Variants in KLHL7 observed in about 807,000 individuals in gnomAD.
KLHL7 encodes kelch like family member 7.
KLHL7 carries 44 observed loss-of-function variants against 67.4 expected under a neutral mutation model. The observed-to-expected ratio is 0.65, with a 90% CI of 0.51 to 0.84. The LOEUF (loss-of-function observed/expected upper bound fraction) is 0.84. Ranked by LOEUF, KLHL7 falls within the 40% of genes least tolerant of loss-of-function variation. KLHL7 has a pLI of 0.00. For synonymous variants in KLHL7, 252 were observed against 243.3 expected (o/e 1.04, Z -0.33); for missense variants, 362 against 718.1 (o/e 0.50, Z 5.67).
chr7:23,175,620 A>G lies in KLHL7; in HGVS notation c.*1322A>G. ...ATTTGTGTAGGGTTTTTTAATGTAC[A>G]GCTTTATTGAGATATAATTCACATA... On this transcript the variant is annotated 3_prime_UTR_variant, in exon 11 of 11. Transcript: ENST00000339077. The G allele has an allele frequency of 3.4e-6, 1 of 295,320 alleles. No homozygotes were observed. Among genetic ancestry groups the G allele is most frequent in the Non-Finnish European group, 6.5e-6 (1 of 154,490 alleles). The allele number at this position is 295,320 out of a possible 1,614,324, so 18.3% of individuals were successfully genotyped here. A position where few individuals can be genotyped will look rare whatever the true frequency, so the allele number is the denominator to read the frequency against.
At chr7:23,125,676 C>T (rs1324950980) in intron 4 of KLHL7, 1 of 1,394,932 alleles carries the variant, frequency 7.2e-7, no homozygotes, top group Non-Finnish European at 9.4e-7. Context: ...AAAACATAAC[C>T]TTAGTCTATA....
In KLHL7 at chr7:23,144,034, C is replaced by T. The variant is rs775630455; in HGVS notation, c.793+9C>T. The stretch of plus-strand genomic sequence containing the variant: ...CCTTAAGATGGTGATAAGTAAGTTG[C>T]CTTAATAACCATTTATAACCTGATC... On this transcript the variant is annotated intron_variant, in intron 6 of 10. Coordinates refer to ENST00000339077, the MANE Select transcript of KLHL7 (RefSeq NM_001031710.3). The T allele has an allele frequency of 2.7e-5, 43 of 1,609,466 alleles. No individual in the cohort carries two copies. Among genetic ancestry groups the T allele is most frequent in the Middle Eastern group, 3.5e-4 (2 of 5,724 alleles).
chr7:23,139,373 A>G (rs1680868536), intron 4 of KLHL7, among the ~76,000 whole-genome samples: 1 of 152,268 alleles, frequency 6.6e-6, no homozygotes, highest in Non-Finnish European at 1.5e-5. Flanking sequence ...AAAACTGAGT[A>G]CATAAAATCA....
chr7:23,129,312 A>T (rs1783706626), intron 4 of KLHL7: 1 of 303,186 alleles, frequency 3.3e-6, no homozygotes, highest in African/African-American at 2.3e-5. Flanking sequence ...GCTCCAGGAC[A>T]ACATGCTACA....
At chr7:23,154,893 T>A (rs1784652872) in intron 7 of KLHL7, among the ~76,000 whole-genome samples, 1 of 152,164 alleles carries the variant, frequency 6.6e-6, no homozygotes, top group African/African-American at 2.4e-5. Flanking sequence ...CAGCAGTTCC[T>A]CCAAGGCAAG....
At chr7:23,119,362 G>A (rs765488771) in intron 1 of KLHL7, among the ~76,000 whole-genome samples, 3 of 151,990 alleles carry the variant, frequency 2.0e-5, no homozygotes, top group Non-Finnish European at 4.4e-5. Flanking sequence ...GCGCCACCAC[G>A]TCCAGCTAAT....
At chr7:23,140,556 C>G (rs1384875711) in intron 4 of KLHL7, 2 of 571,978 alleles carry the variant, frequency 3.5e-6, no homozygotes, top group Non-Finnish European at 6.2e-6. Context: ...GACTCCGTCT[C>G]AAAAAACAAA....
chr7:23,114,159 C>T (rs1158853317), intron 1 of KLHL7, among the ~76,000 whole-genome samples: 1 of 152,172 alleles, frequency 6.6e-6, no homozygotes, highest in East Asian at 1.9e-4. Context: ...TTTAAGGAAT[C>T]CATCTGCTGA....
intron 6 of KLHL7, among the ~76,000 whole-genome samples, chr7:23,148,165 A>G (rs1784417758): frequency 6.6e-6 from 1 of 152,230 alleles, no homozygotes; most frequent in Non-Finnish European, 1.5e-5. Flanking sequence ...GGAAAGAAAT[A>G]TATCCATACA....
chr7:23,164,027 A>G (rs1303629719), intron 7 of KLHL7, among the ~76,000 whole-genome samples: 1 of 152,068 alleles, frequency 6.6e-6, no homozygotes, highest in Non-Finnish European at 1.5e-5. Context: ...AGATTTCCCT[A>G]TTGCAGGGAG....
intron 1 of KLHL7, chr7:23,117,711 A>G: frequency 1.1e-6 from 1 of 875,734 alleles, no homozygotes; most frequent in Non-Finnish European, 1.7e-6. Context: ...TTTCTAGAGA[A>G]GTCTTTTTAA....
intron 4 of KLHL7, among the ~76,000 whole-genome samples, chr7:23,135,122 A>G (rs1240999441): frequency 2.0e-5 from 3 of 152,026 alleles, no homozygotes; most frequent in Non-Finnish European, 4.4e-5. Flanking sequence ...AGGTTTAGGG[A>G]TATTATCGTC....
intron 4 of KLHL7, chr7:23,129,444 T>C (rs530824617): frequency 7.6e-5 from 28 of 369,088 alleles, no homozygotes; most frequent in African/African-American, 6.1e-4. Context: ...TAGCTGGTTT[T>C]CCAAGGACAC....
At chr7:23,170,783 A>T (rs993387404) in intron 9 of KLHL7, among the ~76,000 whole-genome samples, 1 of 152,246 alleles carries the variant, frequency 6.6e-6, no homozygotes, top group African/African-American at 2.4e-5. Context: ...TCACATTTTT[A>T]AAATCAGTTT....
chr7:23,123,792 G>C lies in KLHL7; in HGVS notation c.136G>C (p.Val46Leu), dbSNP rs1257670851. ...CTTTGATTAGAAAACGTTGTGTGAC[G>C]TGATCCTCATGGTCCAGGAAAGAAA... is the stretch of plus-strand genomic sequence containing the variant. ...NMRKQKTLCD[V>L]ILMVQERKIP... The change falls in exon 2 of 11, where the codon GTG becomes CTG. Residue 46 changes from valine (V) to leucine (L), a missense_variant. This residue lies in a region of KLHL7 where 57 missense variants were observed against 81.7 expected (regional missense o/e 0.70). Coordinates refer to ENST00000339077, the MANE Select transcript of KLHL7 (RefSeq NM_001031710.3). The C allele has an allele frequency of 6.2e-7, 1 of 1,612,738 alleles. No homozygotes were observed. Among genetic ancestry groups the C allele is most frequent in the African/African-American group, 1.3e-5 (1 of 74,856 alleles).
chr7:23,155,149 T>C (rs1784661410), intron 7 of KLHL7, among the ~76,000 whole-genome samples: 1 of 152,160 alleles, frequency 6.6e-6, no homozygotes, highest in African/African-American at 2.4e-5. Flanking sequence ...GCTGACTTTT[T>C]ACCTACAGAA....
intron 4 of KLHL7, among the ~76,000 whole-genome samples, chr7:23,128,135 GAAAAAA>G (rs5882884): frequency 1.5e-5 from 2 of 134,262 alleles, no homozygotes. Flanking sequence ...TCTGTCTCAA[GAAAAAA>G]AAAAAAAGCA....
intron 4 of KLHL7, among the ~76,000 whole-genome samples, chr7:23,130,088 C>G (rs1783740858): frequency 6.6e-6 from 1 of 152,142 alleles, no homozygotes; most frequent in Non-Finnish European, 1.5e-5. Flanking sequence ...CAGTTATCTT[C>G]TAGCAGTGTG....
intron 1 of KLHL7, among the ~76,000 whole-genome samples, chr7:23,113,160 T>C (rs1178320813): frequency 6.6e-6 from 1 of 152,114 alleles, no homozygotes; most frequent in Non-Finnish European, 1.5e-5. Context: ...TGAGATCATC[T>C]GCTAAAATGA....
Sources: gnomAD v4.1 joint callset for allele counts (sites outside exome capture counted in the v4.1 genomes callset) on GRCh38, gnomAD v4.1.1 for gene constraint, gnomAD v4.1.1 regional missense constraint, MANE v1.5 for transcripts, NCBI Gene and HGNC (gene_info 2026-07-23, HGNC 2026-07-21) for gene names.